The following MAPKAPK2 variants were observed in gnomAD, a reference collection of about 807,000 sequenced individuals.
MAPKAPK2 encodes MAP kinase-activated protein kinase 2.
MAPKAPK2 carries 9 observed loss-of-function variants against 48.8 expected under a neutral mutation model. The ratio of observed to expected loss-of-function variants is 0.18; its 90% CI spans 0.11 to 0.32. MAPKAPK2 has a LOEUF of 0.32. Among genes scored for constraint, MAPKAPK2 ranks in the 10% least tolerant of loss-of-function variants. The probability of loss-of-function intolerance (pLI) is 1.00; values close to 1 mark genes in which losing one functional copy is unlikely to be tolerated. For synonymous variants in MAPKAPK2, 202 were observed against 190.6 expected (o/e 1.06, Z -0.49); for missense variants, 331 against 498.3 (o/e 0.66, Z 3.20).
intron 1 of MAPKAPK2, among the ~76,000 whole-genome samples, chr1:206,691,472 T>C (rs1485325144): frequency 2.5e-5 from 3 of 118,594 alleles, no homozygotes; most frequent in Non-Finnish European, 1.7e-5. Flanking sequence ...ACTGGTATTT[T>C]GTATTTTAAG....
At chr1:206,699,054 C>G (rs1028870507) in intron 1 of MAPKAPK2, among the ~76,000 whole-genome samples, 1 of 152,104 alleles carries the variant, frequency 6.6e-6, no homozygotes, top group Admixed American at 6.5e-5. Context: ...CAAATTGCTA[C>G]GATGAGATGA....
intron 1 of MAPKAPK2, among the ~76,000 whole-genome samples, chr1:206,710,725 A>G (rs966920545): frequency 6.6e-6 from 1 of 152,258 alleles, no homozygotes; most frequent in African/African-American, 2.4e-5. Context: ...CACAACATCG[A>G]AAGTGCAAAG....
rs377079332 is a variant in MAPKAPK2 at position 206,716,895 on chromosome 1, C to T, written c.280-11815C>T. On this transcript the variant is annotated intron_variant, in intron 1 of 9. Coordinates refer to ENST00000367103, the MANE Select transcript of MAPKAPK2 (RefSeq NM_032960.4). Reference sequence around the variant, plus strand: ...CAACTTGGAACATTTAGGGTGTTTCCTTCCTACCACTGTCTGCCTGGTCTC... The same window carrying T: ...CAACTTGGAACATTTAGGGTGTTTCTTTCCTACCACTGTCTGCCTGGTCTC... 1.1e-3 allele frequency among the ~76,000 whole-genome samples: 173 copies of T among 152,030 alleles called. 1 individual carries two copies. Among genetic ancestry groups the T allele is most frequent in the African/African-American group, 4.1e-3 (169 of 41,438 alleles).
intron 1 of MAPKAPK2, among the ~76,000 whole-genome samples, chr1:206,724,549 CTT>C (rs11405091): frequency 5.9e-5 from 8 of 134,486 alleles, no homozygotes; most frequent in African/African-American, 8.2e-5. Context: ...ATGACCAGTC[CTT>C]TTTTTTTTTT....
intron 1 of MAPKAPK2, chr1:206,696,411 TA>T: frequency 1.7e-6 from 1 of 600,510 alleles, no homozygotes; most frequent in Non-Finnish European, 3.0e-6. Context: ...ATGTCCTCAT[TA>T]AAAAACTCAG....
intron 1 of MAPKAPK2, among the ~76,000 whole-genome samples, chr1:206,723,279 C>G (rs2102408575): frequency 6.6e-6 from 1 of 152,270 alleles, no homozygotes; most frequent in South Asian, 2.1e-4. Context: ...AGTTGCCCCC[C>G]CCAGTGGGAC....
intron 1 of MAPKAPK2, among the ~76,000 whole-genome samples, chr1:206,714,078 G>A (rs1553429936): frequency 6.6e-6 from 1 of 152,114 alleles, no homozygotes; most frequent in Non-Finnish European, 1.5e-5. Flanking sequence ...TGAGATCCGG[G>A]AGCAAATTCA....
intron 1 of MAPKAPK2, among the ~76,000 whole-genome samples, chr1:206,718,642 C>T (rs1200606028): frequency 4.6e-5 from 7 of 152,078 alleles, no homozygotes; most frequent in Admixed American, 2.0e-4. Context: ...TCCCCGTCGC[C>T]GTGGATGGGG....
At chr1:206,717,373 CCT>C (rs1402170061) in intron 1 of MAPKAPK2, among the ~76,000 whole-genome samples, 6 of 152,098 alleles carry the variant, frequency 3.9e-5, no homozygotes, top group Non-Finnish European at 7.4e-5. Context: ...AATGAAAATT[CCT>C]CTTTCTCTTT....
intron 1 of MAPKAPK2, among the ~76,000 whole-genome samples, chr1:206,708,619 ATAATAT>A (rs1673039257): frequency 6.6e-6 from 1 of 152,180 alleles, no homozygotes; most frequent in African/African-American, 2.4e-5. Flanking sequence ...TTTTTTGATG[ATAATAT>A]TTATATTAAC....
chr1:206,732,625 C>T lies in MAPKAPK2; in HGVS notation c.1110C>T (p.Ile370=). 1 of 1,614,104 alleles carries T rather than the reference C, an allele frequency of 6.2e-7. No individual in the cohort carries two copies. Among genetic ancestry groups the T allele is most frequent in the Non-Finnish European group, 8.5e-7 (1 of 1,180,020 alleles). ...CAATGCGCGTTGACTACGAGCAGAT[C>T]AAGATAAAAAAGATTGAAGATGCAT... ...LATMRVDYEQ[I]KIKKIEDASN... The change falls in exon 10 of 10, where the codon ATC becomes ATT. Residue 370 remains isoleucine, a synonymous_variant. Transcript: ENST00000367103. This position sits in a 1 kb window ranked among gnomAD's most constrained non-coding sequence, Gnocchi z 4.4.
chr1:206,728,632 T>C (rs1409631620), intron 1 of MAPKAPK2, 78 bp from the exon 2 acceptor site: 5 of 1,518,252 alleles, frequency 3.3e-6, no homozygotes, highest in South Asian at 1.3e-5. Flanking sequence ...TCGGTGGCGA[T>C]GTCAGGGCAT....
At chr1:206,708,326 A>G (rs782464967) in intron 1 of MAPKAPK2, among the ~76,000 whole-genome samples, 1 of 152,002 alleles carries the variant, frequency 6.6e-6, no homozygotes, top group African/African-American at 2.4e-5. Context: ...GTTACTTCCT[A>G]TTCCTCCTCA....
intron 1 of MAPKAPK2, among the ~76,000 whole-genome samples, chr1:206,709,264 T>A (rs74147685): frequency 0.054 from 8,172 of 152,256 alleles, 523 homozygotes; most frequent in African/African-American, 0.15. Context: ...CTTCCGGCAA[T>A]TCACCCTAGT....
chr1:206,694,657 G>A (rs956246329), intron 1 of MAPKAPK2, among the ~76,000 whole-genome samples: 1 of 152,218 alleles, frequency 6.6e-6, no homozygotes, highest in Non-Finnish European at 1.5e-5. Context: ...CTTGGCTTCT[G>A]CAGAGCTCAA....
At chr1:206,693,168 C>T (rs183621554) in intron 1 of MAPKAPK2, among the ~76,000 whole-genome samples, 151 of 152,216 alleles carry the variant, frequency 9.9e-4, no homozygotes, top group African/African-American at 3.1e-3. Context: ...CAGTACACAC[C>T]GGACCTTAGC....
At chr1:206,685,792 C>G (rs189783548) in intron 1 of MAPKAPK2, among the ~76,000 whole-genome samples, 131 of 152,028 alleles carry the variant, frequency 8.6e-4, no homozygotes, top group African/African-American at 3.1e-3. Context: ...GGGATCCAGC[C>G]GAGTCAGAAC....
At chr1:206,691,504 T>TATATATATATATACAC (rs1424297313) in intron 1 of MAPKAPK2, among the ~76,000 whole-genome samples, 29 of 112,164 alleles carry the variant, frequency 2.6e-4, no homozygotes, top group Non-Finnish European at 3.6e-4. Flanking sequence ...TATATATATA[T>TATATATATATATACAC]ACACACATAC....
intron 1 of MAPKAPK2, among the ~76,000 whole-genome samples, chr1:206,720,555 C>T (rs1673481687): frequency 6.6e-6 from 1 of 152,148 alleles, no homozygotes; most frequent in Admixed American, 6.5e-5. Flanking sequence ...GACAGGCTTT[C>T]AGCATGTTGG....
Sources: gnomAD v4.1 joint callset for allele counts (sites outside exome capture counted in the v4.1 genomes callset) on GRCh38, gnomAD v4.1.1 for gene constraint, Gnocchi (gnomAD v3.1) non-coding constraint, MANE v1.5 for transcripts, NCBI Gene and HGNC (gene_info 2026-07-23, HGNC 2026-07-21) for gene names.